The following VSIG10 variants were observed in gnomAD, a reference collection of about 807,000 sequenced individuals.
The protein encoded by VSIG10 is V-set and immunoglobulin domain containing 10.
A neutral mutation model predicts 58.7 loss-of-function variants in VSIG10; 48 were observed. The ratio of observed to expected loss-of-function variants is 0.82; its 90% CI spans 0.65 to 1.04. The LOEUF is 1.04. Ranked by LOEUF, VSIG10 falls within the 50% of genes least tolerant of loss-of-function variation. VSIG10 has a pLI of 0.00. For missense variants in VSIG10, 628 were observed against 670.0 expected, an observed-to-expected ratio of 0.94 and a Z score of 0.69; for synonymous variants, 260 against 267.1, an observed-to-expected ratio of 0.97 and a Z score of 0.26.
chr12:118,103,941 T>C lies in VSIG10; in HGVS notation c.-270A>G. ...CCGCCCCCTGCGCCCGCCAGCCTAC[T>C]CCTGCCGGCGGAAAACAACAGGAGC... On this transcript the variant is annotated 5_prime_UTR_variant, in exon 1 of 9. Coordinates refer to ENST00000359236, the MANE Select transcript of VSIG10 (RefSeq NM_019086.6). The C allele has an allele frequency of 2.7e-6, 1 of 365,334 alleles. No individual in the cohort carries two copies. The highest frequency in any genetic ancestry group is 4.9e-6 in the Non-Finnish European group (1 of 203,224). 22.6% of individuals were successfully genotyped at this position (365,334 alleles called of 1,614,324 possible).
intron 5 of VSIG10, 118 bp from the exon 6 acceptor site, chr12:118,071,587 T>A: frequency 1.2e-6 from 1 of 856,716 alleles, no homozygotes; most frequent in Non-Finnish European, 1.9e-6. Context: ...TGGGTAAGGC[T>A]TATGACCTGT....
intron 4 of VSIG10, among the ~76,000 whole-genome samples, chr12:118,074,646 T>G (rs2032639774): frequency 6.6e-6 from 1 of 151,892 alleles, no homozygotes; most frequent in South Asian, 2.1e-4. Flanking sequence ...GCCCACCTAA[T>G]TTTTGTATTT....
chr12:118,094,466 C>G (rs1177861416), intron 2 of VSIG10, among the ~76,000 whole-genome samples: 1 of 152,072 alleles, frequency 6.6e-6, no homozygotes. Flanking sequence ...TCACCACAAC[C>G]TCCACCACCC....
chr12:118,079,598 GA>G lies in VSIG10; in HGVS notation c.672del (p.Pro225HisfsTer35), dbSNP rs1370178957. 1.1e-5 allele frequency: 18 copies of G among 1,613,818 alleles called. No individual in the cohort carries two copies. Among genetic ancestry groups the G allele is most frequent in the Non-Finnish European group, 1.4e-5 (17 of 1,179,874 alleles). Reference protein sequence around the residue: ...VTTELLVYYPPPSAPQCWAQM... With the variant: ...VTTELLVYYPXPSAPQCWAQM... ...TGTGCCCAGCACTGGGGAGCTGATG[GA>G]GGGGGATCTGCAAAACACCAGAGGA... On this transcript the variant is annotated frameshift_variant, in exon 4 of 9. Coordinates refer to ENST00000359236, the MANE Select transcript of VSIG10 (RefSeq NM_019086.6). LOFTEE classifies it high-confidence loss of function.
chr12:118,071,290 C>T (rs929425580), intron 6 of VSIG10, 69 bp downstream of exon 6: 1 of 1,460,378 alleles, frequency 6.8e-7, no homozygotes, highest in Non-Finnish European at 9.5e-7. Context: ...AAGGCAGGGG[C>T]CATCCTTCCC....
At chr12:118,092,061 T>C (rs899201033) in intron 2 of VSIG10, among the ~76,000 whole-genome samples, 2 of 151,740 alleles carry the variant, frequency 1.3e-5, no homozygotes, top group African/African-American at 2.4e-5. Context: ...CAGCCTATTC[T>C]TTTTATTTTT....
At chr12:118,073,097 C>T (rs1458457243) in intron 5 of VSIG10, among the ~76,000 whole-genome samples, 3 of 152,120 alleles carry the variant, frequency 2.0e-5, no homozygotes, top group South Asian at 2.1e-4. Context: ...CTCAGACTTC[C>T]GAGTAGCTGG....
chr12:118,103,696 A>G lies in VSIG10; in HGVS notation c.-25T>C. On this transcript the variant is annotated 5_prime_UTR_variant, in exon 1 of 9. Transcript: ENST00000359236. ...TCTCGCCCCAGATCCCGGCTCAGGA[A>G]ACGCAGGCTCGGGCTGGGCTGGACG... 1 of 1,472,816 alleles carries G rather than the reference A, an allele frequency of 6.8e-7. No homozygotes were observed. The highest frequency in any genetic ancestry group is 9.0e-7 in the Non-Finnish European group (1 of 1,116,702). 91.2% of individuals were successfully genotyped at this position (1,472,816 alleles called of 1,614,324 possible). A position where few individuals can be genotyped will look rare whatever the true frequency, so the allele number is the denominator to read the frequency against.
intron 4 of VSIG10, 106 bp from the exon 5 acceptor site, chr12:118,074,098 T>G: frequency 7.4e-7 from 1 of 1,355,186 alleles, no homozygotes; most frequent in African/African-American, 1.5e-5. Context: ...TTGTTTTGTT[T>G]TGAGATGGAG....
At chr12:118,098,002 C>T (rs77861875) in intron 1 of VSIG10, among the ~76,000 whole-genome samples, 26 of 152,134 alleles carry the variant, frequency 1.7e-4, no homozygotes, top group African/African-American at 5.8e-4. Flanking sequence ...CTAGATCAGC[C>T]TTCAGCTAGT....
At chr12:118,084,028 G>C (rs1473311744) in intron 2 of VSIG10, among the ~76,000 whole-genome samples, 1 of 151,970 alleles carries the variant, frequency 6.6e-6, no homozygotes, top group Non-Finnish European at 1.5e-5. Flanking sequence ...GCTGAGGTGG[G>C]AGGATCACTT....
At chr12:118,099,046 C>G (rs945398318) in intron 1 of VSIG10, among the ~76,000 whole-genome samples, 2 of 151,376 alleles carry the variant, frequency 1.3e-5, no homozygotes, top group African/African-American at 2.4e-5. Context: ...GGCCCAGCAT[C>G]TGTGTGTTAG....
chr12:118,074,146 G>T (rs1004178335), intron 4 of VSIG10, among the ~76,000 whole-genome samples, 154 bp from the exon 5 acceptor site: 13 of 149,856 alleles, frequency 8.7e-5, no homozygotes, highest in Non-Finnish European at 1.5e-4. Flanking sequence ...GCAGTGGTGC[G>T]ATCTCAGCTC....
chr12:118,082,144 G>C lies in VSIG10; in HGVS notation c.647C>G (p.Thr216Ser). The change falls in exon 3 of 9, where the codon ACC becomes AGC. Residue 216 changes from threonine to serine, a missense_variant. Coordinates refer to ENST00000359236, the MANE Select transcript of VSIG10 (RefSeq NM_019086.6). ...QLSKRHRKVT[T>S]ELLVYYPPPS... ...TTACGCACAGTAGACCAGGAGCTCGGTGGTCACCTTTCGATGTCTCTTGCT... is the reference window on the plus strand; with the variant it reads ...TTACGCACAGTAGACCAGGAGCTCGCTGGTCACCTTTCGATGTCTCTTGCT... The C allele has an allele frequency of 6.2e-7, 1 of 1,613,810 alleles. No individual in the cohort carries two copies. The highest frequency in any genetic ancestry group is 2.2e-5 in the East Asian group (1 of 44,882).
chr12:118,092,642 T>TC (rs2033332252), intron 2 of VSIG10, among the ~76,000 whole-genome samples: 1 of 150,970 alleles, frequency 6.6e-6, no homozygotes, highest in Non-Finnish European at 1.5e-5. Flanking sequence ...CTTTTTCTTT[T>TC]TTTTTTTTTT....
At chr12:118,074,886 C>T (rs2032648988) in intron 4 of VSIG10, among the ~76,000 whole-genome samples, 1 of 152,104 alleles carries the variant, frequency 6.6e-6, no homozygotes, top group Non-Finnish European at 1.5e-5. Flanking sequence ...CGAAATCTCA[C>T]ACCATCTGCA....
At chr12:118,086,400 A>C (rs547675115) in intron 2 of VSIG10, among the ~76,000 whole-genome samples, 13 of 152,168 alleles carry the variant, frequency 8.5e-5, no homozygotes, top group Admixed American at 5.9e-4. Flanking sequence ...CCCAGGAGGC[A>C]GAGGCTGCCA....
In VSIG10 at chr12:118,084,126, G is replaced by GA. The variant is rs984694019; in HGVS notation, c.362-1698dup. On this transcript the variant is annotated intron_variant, in intron 2 of 8. Coordinates refer to ENST00000359236, the MANE Select transcript of VSIG10 (RefSeq NM_019086.6). ...CACAATGAGACCCTCCCTATCTCAA[G>GA]AAAAAAAAGAAAAGGAAAAGCTTTG... Among the ~76,000 whole-genome samples, 30 of 151,696 alleles carry GA rather than the reference G, an allele frequency of 2.0e-4. No homozygotes were observed. The East Asian group carries it at 4.8e-3, about 24-fold the overall frequency.
chr12:118,093,341 G>A (rs1019152167), intron 2 of VSIG10, among the ~76,000 whole-genome samples: 1 of 151,650 alleles, frequency 6.6e-6, no homozygotes, highest in African/African-American at 2.4e-5. Context: ...TACAACAGCA[G>A]GCTGTAGTTT....
Sources: allele counts gnomAD v4.1 joint callset (sites outside exome capture counted in the v4.1 genomes callset), GRCh38; gene constraint gnomAD v4.1.1; transcripts MANE v1.5; gene names NCBI Gene and HGNC (gene_info 2026-07-23, HGNC 2026-07-21).